DENND2A: variants seen among roughly 807,000 people sequenced by gnomAD.
DENND2A encodes the protein DENN domain containing 2A.
In DENND2A, 53 loss-of-function variants were observed where a neutral mutation model predicts 105.3. The ratio of observed to expected loss-of-function variants is 0.50; its 90% CI spans 0.40 to 0.63. The LOEUF (loss-of-function observed/expected upper bound fraction) is 0.63, where lower values mean the gene tolerates loss of function less well. DENND2A is among the 30% of genes least tolerant of loss of function. The pLI is 0.00. For missense variants in DENND2A, 1,138 were observed against 1,279.6 expected, an observed-to-expected ratio of 0.89 and a Z score of 1.69; for synonymous variants, 522 against 508.4, an observed-to-expected ratio of 1.03 and a Z score of -0.36.
At chr7:140,553,067 A>T (rs2130548300) in intron 12 of DENND2A, among the ~76,000 whole-genome samples, 1 of 152,204 alleles carries the variant, frequency 6.6e-6, no homozygotes, top group South Asian at 2.1e-4. Context: ...AGACACAGAG[A>T]CAAAGTATAG....
chr7:140,549,932 T>C (rs1264255423), intron 12 of DENND2A, among the ~76,000 whole-genome samples: 1 of 152,170 alleles, frequency 6.6e-6, no homozygotes, highest in Non-Finnish European at 1.5e-5. Flanking sequence ...CAGTGGAATA[T>C]TATTCAGCCA....
intron 13 of DENND2A, among the ~76,000 whole-genome samples, chr7:140,545,657 G>A (rs926077412): frequency 1.2e-4 from 18 of 152,192 alleles, no homozygotes; most frequent in African/African-American, 4.3e-4. Context: ...GTGAGCCACC[G>A]TGTACCCAGC....
At chr7:140,526,364 C>A (rs777961025) in intron 15 of DENND2A, among the ~76,000 whole-genome samples, 1 of 152,216 alleles carries the variant, frequency 6.6e-6, no homozygotes, top group South Asian at 2.1e-4. Flanking sequence ...GTGCCTGAGG[C>A]GCAAAGGTCC....
In DENND2A at chr7:140,591,783, C is replaced by CTTTCT. The variant is rs959518930; in HGVS notation, c.996-4008_996-4004dup. Among the ~76,000 whole-genome samples the CTTTCT allele has an allele frequency of 6.1e-5, 9 of 147,426 alleles. 1 individual carries two copies. The highest frequency in any genetic ancestry group is 2.3e-4 in the African/African-American group (9 of 39,626). ...CTCCCTCCTTTTCTTTCCTTCCTTTCTTTCTTTTCTTTTCTTTCTTTCTTT... is the reference window on the plus strand; with the variant it reads ...CTCCCTCCTTTTCTTTCCTTCCTTTCTTTCTTTTCTTTTCTTTTCTTTCTTTCTTT... On this transcript the variant is annotated intron_variant, in intron 3 of 19. Transcript: ENST00000496613.
chr7:140,608,984 C>G (rs1799790439), intron 1 of DENND2A, among the ~76,000 whole-genome samples: 1 of 152,130 alleles, frequency 6.6e-6, no homozygotes, highest in South Asian at 2.1e-4. Context: ...GGCCAATGTC[C>G]TGGCATGGGC....
At chr7:140,542,557 T>C (rs980036557) in intron 14 of DENND2A, among the ~76,000 whole-genome samples, 7 of 149,542 alleles carry the variant, frequency 4.7e-5, no homozygotes, top group Non-Finnish European at 8.9e-5. Flanking sequence ...GCAGTTCTTT[T>C]TCTCTCTCTT....
At chr7:140,551,317 AAAAAAG>A (rs1339158984) in intron 12 of DENND2A, among the ~76,000 whole-genome samples, 4 of 151,412 alleles carry the variant, frequency 2.6e-5, no homozygotes, top group Non-Finnish European at 5.9e-5. Flanking sequence ...AAAAAAAAAA[AAAAAAG>A]AAAGGAAAAA....
intron 1 of DENND2A, among the ~76,000 whole-genome samples, chr7:140,606,035 C>G (rs948338030): frequency 6.6e-6 from 1 of 152,070 alleles, no homozygotes; most frequent in Non-Finnish European, 1.5e-5. Context: ...TTGTATATAT[C>G]TTTTTTGTTC....
chr7:140,521,297 G>A (rs775758331), intron 18 of DENND2A, among the ~76,000 whole-genome samples: 7 of 150,148 alleles, frequency 4.7e-5, no homozygotes, highest in Non-Finnish European at 8.9e-5. Flanking sequence ...TTTTTGTGAC[G>A]GAGTCTCACT....
chr7:140,634,622 G>C (rs576119809), intron 1 of DENND2A, among the ~76,000 whole-genome samples: 1 of 152,218 alleles, frequency 6.6e-6, no homozygotes, highest in Non-Finnish European at 1.5e-5. Context: ...TGTAATTCCA[G>C]CACTTTGGGA....
At chr7:140,524,830 C>T (rs148346324) in intron 16 of DENND2A, among the ~76,000 whole-genome samples, 2 of 152,012 alleles carry the variant, frequency 1.3e-5, no homozygotes, top group African/African-American at 2.4e-5. Flanking sequence ...GATCCTCCTG[C>T]CTCAGCCTCT....
At chr7:140,607,982 T>A (rs1799754098) in intron 1 of DENND2A, among the ~76,000 whole-genome samples, 1 of 152,164 alleles carries the variant, frequency 6.6e-6, no homozygotes, top group East Asian at 1.9e-4. Context: ...CAATCAATCC[T>A]GTAACTCCCC....
intron 1 of DENND2A, among the ~76,000 whole-genome samples, chr7:140,621,842 TGGGCTGAA>T (rs2130721729): frequency 6.6e-6 from 1 of 152,314 alleles, no homozygotes; most frequent in Non-Finnish European, 1.5e-5. Context: ...GCTTGAAGAT[TGGGCTGAA>T]TTTCGTTTGG....
At chr7:140,536,560 T>C (rs1024363953) in intron 14 of DENND2A, among the ~76,000 whole-genome samples, 1 of 152,190 alleles carries the variant, frequency 6.6e-6, no homozygotes, top group Non-Finnish European at 1.5e-5. Context: ...TTTGTGGCTA[T>C]GCCAAACTCT....
At chr7:140,594,758 G>T (rs370891839) in intron 3 of DENND2A, among the ~76,000 whole-genome samples, 1 of 152,062 alleles carries the variant, frequency 6.6e-6, no homozygotes, top group African/African-American at 2.4e-5. Flanking sequence ...TCGCTCTGTC[G>T]CCAGGCTGGA....
intron 12 of DENND2A, among the ~76,000 whole-genome samples, chr7:140,553,754 C>G (rs1323231287): frequency 6.6e-6 from 1 of 152,240 alleles, no homozygotes; most frequent in Non-Finnish European, 1.5e-5. Context: ...CTTGCACCGC[C>G]CTTAATCCAT....
intron 10 of DENND2A, among the ~76,000 whole-genome samples, chr7:140,558,695 CAAA>C (rs1232604188): frequency 3.9e-5 from 2 of 51,464 alleles, no homozygotes. Flanking sequence ...GACTCTATCT[CAAA>C]AAAAAAAAAA....
chr7:140,634,287 C>T (rs1015720478), intron 1 of DENND2A, among the ~76,000 whole-genome samples: 2 of 152,082 alleles, frequency 1.3e-5, no homozygotes, highest in Non-Finnish European at 2.9e-5. Context: ...CGTGAGCCAC[C>T]GCGCCCGGCC....
At chr7:140,565,991 T>C (rs533313497) in intron 9 of DENND2A, among the ~76,000 whole-genome samples, 5 of 152,294 alleles carry the variant, frequency 3.3e-5, no homozygotes, top group Non-Finnish European at 7.4e-5. Flanking sequence ...ATCCACCCCT[T>C]GTTTAGCATA....
Sources: gnomAD v4.1 joint callset for allele counts (sites outside exome capture counted in the v4.1 genomes callset) on GRCh38, gnomAD v4.1.1 for gene constraint, MANE v1.5 for transcripts, NCBI Gene and HGNC (gene_info 2026-07-23, HGNC 2026-07-21) for gene names.